Variants in VWA2 observed in about 807,000 individuals in gnomAD.
VWA2 encodes the protein von Willebrand factor A domain containing 2.
In VWA2, 73 loss-of-function variants were observed where a neutral mutation model predicts 70.4. The ratio of observed to expected loss-of-function variants is 1.04; its 90% confidence interval spans 0.86 to 1.26. VWA2 has a LOEUF of 1.26. Among genes scored for constraint, VWA2 ranks in the 50% most tolerant of loss-of-function variants. The pLI is 0.00. For synonymous variants in VWA2, 407 were observed against 423.3 expected (o/e 0.96, Z 0.47); for missense variants, 1,011 against 998.5 (o/e 1.01, Z -0.17).
Position 114,253,681 on chromosome 10 carries a change from A to C in VWA2, c.83A>C (p.His28Pro). The C allele has an allele frequency of 6.2e-7, 1 of 1,612,350 alleles. No homozygotes were observed. The highest frequency in any genetic ancestry group is 8.5e-7 in the Non-Finnish European group (1 of 1,179,778). ...VPPSLPLQEV[H>P]VSKETIGKIS... Reference sequence around the variant, plus strand: ...CCATCTCTCCCTCTCCAGGAAGTCCATGTAAGCAAAGAAACCATCGGGAAG... The same window carrying C: ...CCATCTCTCCCTCTCCAGGAAGTCCCTGTAAGCAAAGAAACCATCGGGAAG... The change falls in exon 3 of 14, where the codon CAT becomes CCT. Residue 28 changes from histidine to proline, a missense_variant. His to Pro is a moderately conservative substitution (Grantham distance 77). Coordinates refer to ENST00000392982, the MANE Select transcript of VWA2 (RefSeq NM_001272046.2).
At chr10:114,258,899 T>G (rs967091438) in intron 4 of VWA2, among the ~76,000 whole-genome samples, 1 of 152,242 alleles carries the variant, frequency 6.6e-6, no homozygotes. Context: ...TTTGCGTATC[T>G]GTATACAGGT....
chr10:114,271,608 A>AACACACACACACACACACACAC (rs142127208), intron 5 of VWA2, among the ~76,000 whole-genome samples: 134 of 144,796 alleles, frequency 9.3e-4, no homozygotes, highest in Middle Eastern at 7.0e-3. Context: ...GAGAAGTAAA[A>AACACACACACACACACACACAC]ACACACACAC....
chr10:114,260,570 C>T (rs761819998), intron 4 of VWA2, among the ~76,000 whole-genome samples: 3 of 152,084 alleles, frequency 2.0e-5, no homozygotes, highest in African/African-American at 2.4e-5. Context: ...TTAGCTTCTG[C>T]GGCAGCCCCA....
At position 114,289,111 on chromosome 10, in the gene VWA2, G is replaced by T; in HGVS notation, c.1744G>T (p.Ala582Ser). The change falls in exon 12 of 14, where the codon GCC (alanine) becomes TCC (serine). Residue 582 changes from alanine to serine, a missense_variant. Coordinates refer to ENST00000392982, the MANE Select transcript of VWA2 (RefSeq NM_001272046.2). ...GGTGTATGGCAGCCAGGTGCAGACT[G>T]CCTTCGGGCTGGACACCAAACCCAC... ...LVVYGSQVQT[A>S]FGLDTKPTRA... 1 of 1,614,144 alleles carries T rather than the reference G, an allele frequency of 6.2e-7. No homozygotes were observed. The highest frequency in any genetic ancestry group is 8.5e-7 in the Non-Finnish European group (1 of 1,180,032).
chr10:114,259,944 A>G (rs2037408759), intron 4 of VWA2, among the ~76,000 whole-genome samples: 1 of 152,220 alleles, frequency 6.6e-6, no homozygotes, highest in Admixed American at 6.5e-5. Context: ...GATCCGGAGC[A>G]GATGCAGCCC....
Position 114,248,691 on chromosome 10 carries a change from T to C in VWA2, c.-10-13T>C. On this transcript the variant is annotated splice_polypyrimidine_tract_variant and intron_variant, in intron 1 of 13. Transcript: ENST00000392982. ...ATTGCTGATACTTTCTTTCTTTTCCTGTGTCCCTGTAGTTATATCAACATG... is the reference window on the plus strand; with the variant it reads ...ATTGCTGATACTTTCTTTCTTTTCCCGTGTCCCTGTAGTTATATCAACATG... The C allele has an allele frequency of 1.2e-6, 2 of 1,610,444 alleles. No individual in the cohort carries two copies. The highest frequency in any genetic ancestry group is 1.7e-6 in the Non-Finnish European group (2 of 1,176,716).
Position 114,286,344 on chromosome 10 carries a change from C to T in VWA2, c.1403C>T (p.Ala468Val). Residue 468 changes from alanine (A) to valine (V), a missense_variant, in exon 11 of 14, where the codon GCA (alanine) becomes GTA (valine). Transcript: ENST00000392982. ...GAGGTTGCGGGCCCAGCGCGTCACGCAAGGGCGCGAGAGCTGCTCCTGCTG... is the reference window on the plus strand; with the variant it reads ...GAGGTTGCGGGCCCAGCGCGTCACGTAAGGGCGCGAGAGCTGCTCCTGCTG... ...EDEVAGPARH[A>V]RARELLLLGV... 6.2e-7 allele frequency: 1 copy of T among 1,613,486 alleles called. No individual in the cohort carries two copies. The highest frequency in any genetic ancestry group is 8.5e-7 in the Non-Finnish European group (1 of 1,179,808).
chr10:114,253,628 G>T (rs746166527), intron 2 of VWA2, 23 bp from the exon 3 acceptor site: 1 of 1,607,378 alleles, frequency 6.2e-7, no homozygotes. Flanking sequence ...TTTAATGGCT[G>T]CTTCTGGTGT....
In VWA2 at chr10:114,255,031, G is replaced by A. The variant is rs200969476; in HGVS notation, c.244G>A (p.Asp82Asn). Residue 82 changes from aspartate to asparagine, a missense_variant, in exon 4 of 14, where the codon GAC (aspartate) becomes AAC (asparagine). Transcript: ENST00000392982. ...TGCCATCACAGTCTGTGACGGTCTG[G>A]ACATCAGCCCCGAGAGGGTGAGTGC... ...HFAITVCDGLDISPERVRVGA... is the reference protein window; with the variant it reads ...HFAITVCDGLNISPERVRVGA... 3.7e-5 allele frequency: 60 copies of A among 1,612,454 alleles called. No homozygotes were observed. The East Asian group carries it at 1.2e-3, about 32-fold the overall frequency.
At chr10:114,287,867 ATATTTGTTTAGTTTTTACCTAATGTCT>A (rs1395399756) in intron 11 of VWA2, among the ~76,000 whole-genome samples, 2 of 152,054 alleles carry the variant, frequency 1.3e-5, no homozygotes, top group African/African-American at 4.8e-5. Context: ...ATGCTTATTT[ATATTTGTTTAGTTTTTACCTAATGTCT>A]TTTTTGTGTT....
chr10:114,275,584 TG>T (rs2037822918), intron 6 of VWA2, among the ~76,000 whole-genome samples: 3 of 152,272 alleles, frequency 2.0e-5, no homozygotes, highest in South Asian at 2.1e-4. Context: ...TTTGTTTTTT[TG>T]GTTTTTTTTC....
chr10:114,283,627 T>C (rs1279267873), intron 9 of VWA2, among the ~76,000 whole-genome samples: 1 of 152,244 alleles, frequency 6.6e-6, no homozygotes. Context: ...ATGTGACTTC[T>C]ATTCATTGAG....
At position 114,253,744 on chromosome 10, in the gene VWA2, TAAC is replaced by T; in HGVS notation, c.127+20_127+22del. On this transcript the variant is annotated intron_variant, in intron 3 of 13. Transcript: ENST00000392982. ...AGCAAAAGTAAGCCCAGGTTCTTCTTAACCCTCCAGATGCCCACTCAGACCTCT... is the reference window on the plus strand; with the variant it reads ...AGCAAAAGTAAGCCCAGGTTCTTCTTCCTCCAGATGCCCACTCAGACCTCT... 6.2e-7 allele frequency: 1 copy of T among 1,610,836 alleles called. No individual in the cohort carries two copies. The highest frequency in any genetic ancestry group is 8.5e-7 in the Non-Finnish European group (1 of 1,178,600).
At position 114,291,364 on chromosome 10, in the gene VWA2, T is replaced by A. The variant is rs1331959523; in HGVS notation, c.*127T>A. The A allele has an allele frequency of 8.5e-7, 1 of 1,178,448 alleles. No homozygotes were observed. The highest frequency in any genetic ancestry group is 2.9e-5 in the Admixed American group (1 of 34,444). 73.0% of individuals were successfully genotyped at this position (1,178,448 alleles called of 1,614,324 possible). A position where few individuals can be genotyped will look rare whatever the true frequency, so the allele number is the denominator to read the frequency against. On this transcript the variant is annotated 3_prime_UTR_variant, in exon 14 of 14. Transcript: ENST00000392982. ...GCCCCAGGTCCTTAGAATGTCTGCTTCCCGCCGTGGCCAGGACCACTATTC... is the reference window on the plus strand; with the variant it reads ...GCCCCAGGTCCTTAGAATGTCTGCTACCCGCCGTGGCCAGGACCACTATTC...
rs1380241811 is a variant in VWA2 at position 114,290,313 on chromosome 10, G to A, written c.2196G>A (p.Gly732=). ...AGGGCAGCTGCGTCCTGCAGAATGG[G>A]AGCTACCGCTGCAAGTGTCGGGATG... ...MNEGSCVLQN[G]SYRCKCRDGW... Residue 732 remains glycine (G), a synonymous_variant, in exon 13 of 14, where the codon GGG becomes GGA. Coordinates refer to ENST00000392982, the MANE Select transcript of VWA2 (RefSeq NM_001272046.2). 3.2e-6 allele frequency: 5 copies of A among 1,550,626 alleles called. No individual in the cohort carries two copies. The highest frequency in any genetic ancestry group is 2.4e-5 in the East Asian group (1 of 40,926).
chr10:114,291,299 C>T lies in VWA2; in HGVS notation c.*62C>T, dbSNP rs2039575777. The stretch of plus-strand genomic sequence containing the variant: ...CCCCTCCCAGCAACTACAGAGAAGG[C>T]CTGGGCACTGAAATGGTGCCTACCT... On this transcript the variant is annotated 3_prime_UTR_variant, in exon 14 of 14. Coordinates refer to ENST00000392982, the MANE Select transcript of VWA2 (RefSeq NM_001272046.2). 6.6e-7 allele frequency: 1 copy of T among 1,509,656 alleles called. No homozygotes were observed. The highest frequency in any genetic ancestry group is 2.2e-5 in the Admixed American group (1 of 46,112). The allele number at this position is 1,509,656 out of a possible 1,614,324, so 93.5% of individuals were successfully genotyped here.
In VWA2 at chr10:114,253,653, C is replaced by T. The variant is rs1458827112; in HGVS notation, c.55C>T (p.Pro19Ser). 2 of 1,611,578 alleles carry T rather than the reference C, an allele frequency of 1.2e-6. No homozygotes were observed. The highest frequency in any genetic ancestry group is 1.7e-6 in the Non-Finnish European group (2 of 1,179,510). ...AVCVFLFSRVPPSLPLQEVHV... is the reference protein window; with the variant it reads ...AVCVFLFSRVSPSLPLQEVHV... ...GCTTCTGGTGTTTTCTCTCCTAGTG[C>T]CCCCATCTCTCCCTCTCCAGGAAGT... Residue 19 changes from proline (P) to serine (S), a missense_variant and splice_region_variant, in exon 3 of 14, where the codon CCC (proline) becomes TCC (serine). Physicochemically the swap from Pro to Ser is moderately conservative, Grantham distance 74. Coordinates refer to ENST00000392982, the MANE Select transcript of VWA2 (RefSeq NM_001272046.2).
intron 1 of VWA2, chr10:114,246,619 C>G (rs950879632): frequency 2.7e-6 from 4 of 1,463,708 alleles, no homozygotes; most frequent in Admixed American, 1.7e-5. Context: ...CAGCCAGAGG[C>G]CAATGCTCAG....
intron 5 of VWA2, among the ~76,000 whole-genome samples, chr10:114,264,655 G>A (rs1388608830): frequency 3.9e-5 from 6 of 152,040 alleles, no homozygotes; most frequent in African/African-American, 4.8e-5. Flanking sequence ...TCCTGACCTC[G>A]TGATCTGCCT....
Sources: gnomAD v4.1 joint callset for allele counts (sites outside exome capture counted in the v4.1 genomes callset) on GRCh38, gnomAD v4.1.1 for gene constraint, MANE v1.5 for transcripts, NCBI Gene and HGNC (gene_info 2026-07-23, HGNC 2026-07-21) for gene names.